The following NXPE2 variants were observed in gnomAD, a reference collection of about 807,000 sequenced individuals.
NXPE2 encodes the protein neurexophilin and PC-esterase domain family member 2, also known as NXPE family member 2.
A neutral mutation model predicts 34.4 loss-of-function variants in NXPE2; 34 were observed. That is an observed-to-expected ratio of 0.99 (90% confidence interval 0.75 to 1.31). The LOEUF (loss-of-function observed/expected upper bound fraction) is 1.31, where lower values mean the gene tolerates loss of function less well. Among genes scored for constraint, NXPE2 ranks in the 40% most tolerant of loss-of-function variants. The pLI is 0.00. For synonymous variants in NXPE2, 235 were observed against 231.3 expected (o/e 1.02, Z -0.15); for missense variants, 649 against 672.5 (o/e 0.97, Z 0.39).
At chr11:114,664,200 C>T in the NXPE2 span, among the ~76,000 whole-genome samples, 2 of 152,054 alleles carry the variant, frequency 1.3e-5, no homozygotes, top group African/African-American at 2.4e-5. Context: ...CAATGAGATA[C>T]ACAAGTACTA....
At chr11:114,699,810 T>C (rs1238732656) in intron 3 of NXPE2, among the ~76,000 whole-genome samples, 1 of 151,938 alleles carries the variant, frequency 6.6e-6, no homozygotes, top group Non-Finnish European at 1.5e-5. Context: ...TTTTTTTTTT[T>C]TGAGACCGAG....
the NXPE2 span, among the ~76,000 whole-genome samples, chr11:114,768,817 T>A: frequency 6.6e-6 from 1 of 151,990 alleles, no homozygotes; most frequent in African/African-American, 2.4e-5. Flanking sequence ...GCTGAGACAA[T>A]GGGGTTTTCT....
At chr11:114,673,660 G>C (rs1025141707), upstream of NXPE2, among the ~76,000 whole-genome samples, 1 of 151,756 alleles carries the variant, frequency 6.6e-6, no homozygotes, top group Non-Finnish European at 1.5e-5. Flanking sequence ...AAAGAAAATA[G>C]AATCTCAGGA....
chr11:114,606,986 T>G, the NXPE2 span, among the ~76,000 whole-genome samples: 1 of 151,988 alleles, frequency 6.6e-6, no homozygotes, highest in African/African-American at 2.4e-5. Context: ...TAACCACTGT[T>G]TCCCAGTGGA....
chr11:114,495,034 G>A, the NXPE2 span, among the ~76,000 whole-genome samples: 1 of 152,202 alleles, frequency 6.6e-6, no homozygotes, highest in Non-Finnish European at 1.5e-5. Flanking sequence ...AGACATTTTT[G>A]TTCTCTTCCT....
intron 2 of NXPE2, among the ~76,000 whole-genome samples, chr11:114,694,888 G>T (rs1951219764): frequency 4.6e-5 from 7 of 151,656 alleles, no homozygotes; most frequent in Admixed American, 4.6e-4. Flanking sequence ...CTCAATCATA[G>T]TTATTTTAAA....
At chr11:114,812,225 G>A in the NXPE2 span, among the ~76,000 whole-genome samples, 26 of 152,300 alleles carry the variant, frequency 1.7e-4, no homozygotes, top group East Asian at 4.6e-3. Context: ...TGAGGACAAA[G>A]GGGGATAGCA....
At chr11:114,630,887 A>G in the NXPE2 span, among the ~76,000 whole-genome samples, 1 of 151,912 alleles carries the variant, frequency 6.6e-6, no homozygotes. Context: ...ACTTCTTAAA[A>G]GAAGACATTT....
At chr11:114,545,042 T>A in the NXPE2 span, among the ~76,000 whole-genome samples, 2 of 152,002 alleles carry the variant, frequency 1.3e-5, no homozygotes, top group African/African-American at 4.8e-5. Flanking sequence ...ATGGCTAAAA[T>A]TTAAAAAAAA....
At chr11:114,725,626 TCTCA>T in the NXPE2 span, among the ~76,000 whole-genome samples, 1 of 152,000 alleles carries the variant, frequency 6.6e-6, no homozygotes, top group Non-Finnish European at 1.5e-5. Flanking sequence ...ACCCTTTCTC[TCTCA>T]CTCCCCACCC....
the NXPE2 span, among the ~76,000 whole-genome samples, chr11:114,633,378 G>T: frequency 7.1e-6 from 1 of 140,488 alleles, no homozygotes; most frequent in Non-Finnish European, 1.5e-5. Context: ...AATATATTAT[G>T]TATTATATTA....
chr11:114,698,015 G>T, intron 2 of NXPE2, 30 bp from the exon 3 acceptor site: 1 of 1,444,682 alleles, frequency 6.9e-7, no homozygotes, highest in South Asian at 1.5e-5. Flanking sequence ...GTTTGCTGAT[G>T]ATATTTTCTT....
intron 2 of NXPE2, among the ~76,000 whole-genome samples, chr11:114,682,611 G>C (rs1383348381): frequency 6.6e-6 from 1 of 152,142 alleles, no homozygotes; most frequent in Non-Finnish European, 1.5e-5. Context: ...AAGATGCAAG[G>C]AAGTAATAAC....
the NXPE2 span, among the ~76,000 whole-genome samples, chr11:114,497,745 A>C: frequency 6.6e-6 from 1 of 152,222 alleles, no homozygotes; most frequent in Non-Finnish European, 1.5e-5. Context: ...ATTTGGTAAA[A>C]TACAGAGATA....
the NXPE2 span, among the ~76,000 whole-genome samples, chr11:114,593,180 T>G: frequency 4.6e-5 from 7 of 152,010 alleles, no homozygotes; most frequent in Non-Finnish European, 1.0e-4. Flanking sequence ...ACAAATGGGA[T>G]TATATAAAAC....
the NXPE2 span, among the ~76,000 whole-genome samples, chr11:114,544,559 T>C: frequency 5.3e-5 from 8 of 152,214 alleles, no homozygotes; most frequent in Admixed American, 2.6e-4. Flanking sequence ...GACCTCACAA[T>C]TGACAGAAAA....
the NXPE2 span, among the ~76,000 whole-genome samples, chr11:114,476,297 A>G: frequency 8.5e-5 from 13 of 152,182 alleles, no homozygotes; most frequent in African/African-American, 3.1e-4. Flanking sequence ...TCTCTCTATA[A>G]TGCTACAAAT....
chr11:114,579,500 GCCCAT>G, the NXPE2 span, among the ~76,000 whole-genome samples: 1 of 152,168 alleles, frequency 6.6e-6, no homozygotes, highest in African/African-American at 2.4e-5. Flanking sequence ...TAGACCCCAA[GCCCAT>G]GCTTTACTTG....
the NXPE2 span, among the ~76,000 whole-genome samples, chr11:114,806,354 G>T: frequency 2.0e-5 from 3 of 152,272 alleles, no homozygotes; most frequent in Middle Eastern, 3.4e-3. Context: ...AGAATGACTT[G>T]GACGAGTTGA....
Sources: gnomAD v4.1 joint callset for allele counts (sites outside exome capture counted in the v4.1 genomes callset) on GRCh38, gnomAD v4.1.1 for gene constraint, MANE v1.5 for transcripts, NCBI Gene and HGNC (gene_info 2026-07-23, HGNC 2026-07-21) for gene names.